The following WDR35 variants were observed in gnomAD, a reference collection of about 807,000 sequenced individuals.
WDR35 encodes WD repeat-containing protein 35.
WDR35 carries 118 observed loss-of-function variants against 158.3 expected under a neutral mutation model. The ratio of observed to expected loss-of-function variants is 0.75; its 90% CI spans 0.64 to 0.87. The LOEUF is 0.87. WDR35 is among the 40% of genes least tolerant of loss of function. The pLI is 0.00. For synonymous variants in WDR35, 448 were observed against 476.1 expected (o/e 0.94, Z 0.77); for missense variants, 1,263 against 1,405.8 (o/e 0.90, Z 1.62).
chr2:19,950,688 A>C (rs968890451), intron 13 of WDR35, among the ~76,000 whole-genome samples: 2 of 152,196 alleles, frequency 1.3e-5, no homozygotes, highest in African/African-American at 4.8e-5. Flanking sequence ...ATTGAAAAAA[A>C]TGGATGGATA....
intron 25 of WDR35, among the ~76,000 whole-genome samples, chr2:19,927,117 T>C (rs1371481394): frequency 2.0e-5 from 3 of 152,186 alleles, no homozygotes; most frequent in Non-Finnish European, 4.4e-5. Context: ...CTATGAGTAT[T>C]CCTTCAGTAA....
At chr2:19,958,108 A>G (rs1235143655) in intron 11 of WDR35, among the ~76,000 whole-genome samples, 12 of 152,322 alleles carry the variant, frequency 7.9e-5, no homozygotes, top group African/African-American at 2.9e-4. Flanking sequence ...ATTTCACTGA[A>G]ATGTTTTCAT....
At chr2:19,970,364 T>G (rs1671999895) in intron 8 of WDR35, among the ~76,000 whole-genome samples, 2 of 152,218 alleles carry the variant, frequency 1.3e-5, no homozygotes, top group South Asian at 4.1e-4. Flanking sequence ...CAAGTCCTAC[T>G]GCTTTTACTC....
chr2:19,913,520 T>C lies in WDR35; in HGVS notation c.*38A>G, dbSNP rs1247731854. ...ACAGCATATAGCCATGTATATATGC[T>C]ACATATATTTTACAGTTATATACAG... On this transcript the variant is annotated 3_prime_UTR_variant, in exon 27 of 27. Coordinates refer to ENST00000281405, the MANE Select transcript of WDR35 (RefSeq NM_020779.4). 1.9e-6 allele frequency: 3 copies of C among 1,603,926 alleles called. No homozygotes were observed. In the South Asian group the frequency reaches 3.3e-5, roughly 18 times the overall value.
rs1202907804 is a variant in WDR35 at position 19,910,950 on chromosome 2, C to G, written c.*2608G>C. The stretch of plus-strand genomic sequence containing the variant: ...CTATATACATATGCGCGCACACACA[C>G]ACGCACACAAAATTAGGTCCACAAG... On this transcript the variant is annotated 3_prime_UTR_variant, in exon 27 of 27. Transcript: ENST00000281405. The G allele has an allele frequency of 6.6e-6, 1 of 152,186 alleles. No individual in the cohort carries two copies. The highest frequency in any genetic ancestry group is 1.9e-4 in the East Asian group (1 of 5,198). 9.4% of individuals were successfully genotyped at this position (152,186 alleles called of 1,614,324 possible). A position where few individuals can be genotyped will look rare whatever the true frequency, so the allele number is the denominator to read the frequency against.
rs1047989756 is a variant in WDR35 at position 19,914,047 on chromosome 2, G to C, written c.3352C>G (p.Leu1118Val). 5 of 1,613,992 alleles carry C rather than the reference G, an allele frequency of 3.1e-6. No homozygotes were observed. The highest frequency in any genetic ancestry group is 4.2e-6 in the Non-Finnish European group (5 of 1,179,990). ...TTAAAATTAGCCTACCCTTCCATAA[G>C]GCTGTCCAATTCAGGTTTTCTGTTA... The part of the protein sequence containing the change: ...KDNRKPELDS[L>V]MEGGEGKLPT... The change falls in exon 26 of 27, where the codon CTT (leucine) becomes GTT (valine). Residue 1118 changes from leucine to valine, a missense_variant. Physicochemically the swap from Leu to Val is conservative, Grantham distance 32. Coordinates refer to ENST00000281405, the MANE Select transcript of WDR35 (RefSeq NM_020779.4).
chr2:19,959,765 AGTTCTCAG>A (rs1220329326), intron 11 of WDR35, among the ~76,000 whole-genome samples: 1 of 152,056 alleles, frequency 6.6e-6, no homozygotes, highest in Admixed American at 6.5e-5. Flanking sequence ...AAAAATGACT[AGTTCTCAG>A]GTTCTCAGGA....
chr2:19,930,542 G>A lies in WDR35; in HGVS notation c.2975C>T (p.Ala992Val), dbSNP rs1438546038. Reference sequence around the variant, plus strand: ...TTCTTCTTCCAGCAAACCAGCCAAGGCAGAAGTGGCCTACGAGTAAAGTCA... The same window carrying A: ...TTCTTCTTCCAGCAAACCAGCCAAGACAGAAGTGGCCTACGAGTAAAGTCA... ...VKGKSSEATSALAGLLEEEVL... is the reference protein window; with the variant it reads ...VKGKSSEATSVLAGLLEEEVL... The change falls in exon 25 of 27, where the codon GCC becomes GTC. Residue 992 changes from alanine to valine, a missense_variant. Coordinates refer to ENST00000281405, the MANE Select transcript of WDR35 (RefSeq NM_020779.4). 5 of 1,614,012 alleles carry A rather than the reference G, an allele frequency of 3.1e-6. No homozygotes were observed. In the South Asian group the frequency reaches 4.4e-5, roughly 14 times the overall value.
At position 19,978,831 on chromosome 2, in the gene WDR35, C is replaced by T. The variant is rs375062321; in HGVS notation, c.356G>A (p.Arg119His). 32 of 1,613,644 alleles carry T rather than the reference C, an allele frequency of 2.0e-5. No individual in the cohort carries two copies. The highest frequency in any genetic ancestry group is 2.2e-5 in the Non-Finnish European group (26 of 1,179,844). ...MINNRNKSVV[R>H]SMSWNADGQK... ...TCCGTCAGCATTCCAGCTCATACTG[C>T]GAACAACTGATTTATTTCGATTGTT... The change falls in exon 5 of 27, where the codon CGC (arginine) becomes CAC (histidine). Residue 119 changes from arginine (R) to histidine (H), a missense_variant. Arg to His is a conservative substitution (Grantham distance 29). Coordinates refer to ENST00000281405, the MANE Select transcript of WDR35 (RefSeq NM_020779.4).
rs542447452 is a variant in WDR35, at chr2:19,981,601, TC to T, written c.215-819del. On this transcript the variant is annotated intron_variant, in intron 3 of 26. Transcript: ENST00000281405. ...GGCACAATCATGGCTCACTGCAGCC[TC>T]CAACTCATGAGCTCAAGCGATCCTC... is the stretch of plus-strand genomic sequence containing the variant. Among the ~76,000 whole-genome samples the T allele has an allele frequency of 6.6e-5, 10 of 152,238 alleles. No homozygotes were observed. In the East Asian group the frequency reaches 1.9e-3, roughly 29 times the overall value.
intron 22 of WDR35, 80 bp downstream of exon 22, chr2:19,933,321 A>G (rs1271152122): frequency 8.8e-7 from 1 of 1,139,368 alleles, no homozygotes; most frequent in African/African-American, 1.5e-5. Flanking sequence ...TTAAAAGATC[A>G]CTAGGGTGAC....
intron 10 of WDR35, 130 bp from the exon 11 acceptor site, chr2:19,960,744 C>G: frequency 2.9e-6 from 2 of 697,540 alleles, no homozygotes; most frequent in Non-Finnish European, 4.8e-6. Context: ...GAAACTGTTA[C>G]GTGCAAAAAA....
In WDR35 at chr2:19,982,502, T is replaced by G. The variant is rs770686124; in HGVS notation, c.175A>C (p.Ser59Arg). Residue 59 changes from serine to arginine, a missense_variant, in exon 3 of 27, where the codon AGT becomes CGT. By Grantham distance (110) the Ser-to-Arg change is moderately radical. Coordinates refer to ENST00000281405, the MANE Select transcript of WDR35 (RefSeq NM_020779.4). ...DAKLRGLAAP[S>R]NLSMNQTLEG... ...AGAGTCTGATTCATAGAAAGGTTAC[T>G]GGGGGCTGCAAGGCCCCTCAATTTT... 2 of 1,613,936 alleles carry G rather than the reference T, an allele frequency of 1.2e-6. No individual in the cohort carries two copies. The highest frequency in any genetic ancestry group is 3.3e-5 in the Admixed American group (2 of 59,998).
At chr2:19,935,440 A>G in intron 21 of WDR35, 31 bp downstream of exon 21, 2 of 1,611,006 alleles carry the variant, frequency 1.2e-6, no homozygotes, top group Non-Finnish European at 1.7e-6. Context: ...GTAACCTAAC[A>G]ATTCCAAAAA....
intron 16 of WDR35, among the ~76,000 whole-genome samples, chr2:19,944,495 C>CT (rs1222277775): frequency 2.6e-5 from 4 of 152,020 alleles, no homozygotes; most frequent in Admixed American, 6.6e-5. Context: ...GAAAAAGACT[C>CT]TAACATTCAA....
At position 19,940,550 on chromosome 2, in the gene WDR35, T is replaced by C. The variant is rs114298681; in HGVS notation, c.1926+1209A>G. Reference sequence around the variant, plus strand: ...AGAGTCAGATAGTCAAATCTGGAGGTTACATAATCCTAGGTAATAACAGCC... The same window carrying C: ...AGAGTCAGATAGTCAAATCTGGAGGCTACATAATCCTAGGTAATAACAGCC... On this transcript the variant is annotated intron_variant, in intron 17 of 26. Coordinates refer to ENST00000281405, the MANE Select transcript of WDR35 (RefSeq NM_020779.4). Among the ~76,000 whole-genome samples, 1,389 of 151,998 alleles carry C rather than the reference T, an allele frequency of 9.1e-3. 10 individuals are homozygous for C. Among genetic ancestry groups the C allele is most frequent in the Non-Finnish European group, 0.013 (897 of 67,946 alleles).
intron 17 of WDR35, among the ~76,000 whole-genome samples, chr2:19,940,317 T>C (rs1464413197): frequency 6.6e-6 from 1 of 151,588 alleles, no homozygotes; most frequent in Non-Finnish European, 1.5e-5. Context: ...CAGTGAGCCA[T>C]GATGGCACCA....
chr2:19,975,873 C>A (rs551818475), intron 5 of WDR35, among the ~76,000 whole-genome samples: 3 of 152,318 alleles, frequency 2.0e-5, no homozygotes, highest in African/African-American at 7.2e-5. Flanking sequence ...CCCCTTTCTT[C>A]TAAACTCTGA....
intron 25 of WDR35, among the ~76,000 whole-genome samples, chr2:19,928,050 G>T (rs923541719): frequency 7.9e-5 from 12 of 152,154 alleles, no homozygotes; most frequent in African/African-American, 2.9e-4. Context: ...CCCAAAACTG[G>T]CCATAAACAA....
Sources: allele counts gnomAD v4.1 joint callset (sites outside exome capture counted in the v4.1 genomes callset), GRCh38; gene constraint gnomAD v4.1.1; transcripts MANE v1.5; gene names NCBI Gene and HGNC (gene_info 2026-07-23, HGNC 2026-07-21).